The following KLHL29 variants were observed in gnomAD, a reference collection of about 807,000 sequenced individuals.
KLHL29 encodes kelch-like protein 29.
A neutral mutation model predicts 80.4 loss-of-function variants in KLHL29; 21 were observed. That is an observed-to-expected ratio of 0.26 (90% CI 0.19 to 0.38). The LOEUF (loss-of-function observed/expected upper bound fraction) is 0.38. KLHL29 is among the 10% of genes least tolerant of loss of function. KLHL29 has a pLI of 1.00. For synonymous variants in KLHL29, 511 were observed against 526.8 expected, an observed-to-expected ratio of 0.97 and a Z score of 0.41; for missense variants, 867 against 1,223.9, an observed-to-expected ratio of 0.71 and a Z score of 4.35.
rs534136885 is a variant in KLHL29, at chr2:23,403,726, A to AGAGTGT, written c.-154+17947_-154+17948insAGTGTG. The stretch of plus-strand genomic sequence containing the variant: ...ATGAAACCCAAAGAGAGAGAGAGAG[A>AGAGTGT]GTGTGTGTGTGTGTGTGTGTGTGTG... On this transcript the variant is annotated intron_variant, in intron 1 of 13. Coordinates refer to ENST00000486442, the MANE Select transcript of KLHL29 (RefSeq NM_052920.2). Among the ~76,000 whole-genome samples, 506 of 144,102 alleles carry AGAGTGT rather than the reference A, an allele frequency of 3.5e-3. 1 individual carries two copies. The highest frequency in any genetic ancestry group is 9.7e-3 in the South Asian group (42 of 4,350). 94.5% of individuals were successfully genotyped at this position (144,102 alleles called of 152,430 possible). A position where few individuals can be genotyped will look rare whatever the true frequency, so the allele number is the denominator to read the frequency against.
At chr2:23,511,506 T>G (rs1665771085) in intron 2 of KLHL29, among the ~76,000 whole-genome samples, 1 of 152,134 alleles carries the variant, frequency 6.6e-6, no homozygotes, top group South Asian at 2.1e-4. Flanking sequence ...GAAGGTGGTG[T>G]TTCTCACGTC....
At chr2:23,505,415 C>T (rs1665569520) in intron 2 of KLHL29, among the ~76,000 whole-genome samples, 2 of 152,258 alleles carry the variant, frequency 1.3e-5, no homozygotes, top group South Asian at 4.1e-4. Context: ...GCTCTCTGCA[C>T]CGCTCCTTCC....
intron 1 of KLHL29, among the ~76,000 whole-genome samples, chr2:23,426,432 G>A (rs538081737): frequency 2.8e-4 from 43 of 152,330 alleles, no homozygotes; most frequent in African/African-American, 9.6e-4. Context: ...GCCCAACTGA[G>A]GGGAGGCCCC....
At chr2:23,587,935 G>A (rs960254570) in intron 3 of KLHL29, among the ~76,000 whole-genome samples, 7 of 152,186 alleles carry the variant, frequency 4.6e-5, no homozygotes, top group Non-Finnish European at 7.3e-5. Flanking sequence ...TGCTGGCCTC[G>A]TTGTAACAAT....
In KLHL29 at chr2:23,669,855, A is replaced by C. The variant is rs1450075357; in HGVS notation, c.941-14544A>C. 6.6e-6 allele frequency among the ~76,000 whole-genome samples: 1 copy of C among 152,200 alleles called. No individual in the cohort carries two copies. ...CTGTGTCCATTGGATTTGTAAAAAC[A>C]GGGCCGTGGTATTATCACAGAATCT... On this transcript the variant is annotated intron_variant, in intron 5 of 13. Transcript: ENST00000486442. The surrounding 1 kb of genome is among the most constrained non-coding windows in gnomAD (Gnocchi z 4.3).
intron 1 of KLHL29, among the ~76,000 whole-genome samples, chr2:23,472,011 C>T (rs1288234774): frequency 6.6e-6 from 1 of 151,976 alleles, no homozygotes; most frequent in Non-Finnish European, 1.5e-5. Context: ...TTATAGGCCT[C>T]CCAGAAAGGA....
rs761054794 is a variant in KLHL29, at chr2:23,562,253, C to T, written c.57C>T (p.Arg19=). 7.7e-6 allele frequency: 12 copies of T among 1,550,228 alleles called. No homozygotes were observed. The highest frequency in any genetic ancestry group is 2.4e-5 in the East Asian group (1 of 40,920). Residue 19 remains arginine, a synonymous_variant, in exon 3 of 14, where the codon CGC becomes CGT. Coordinates refer to ENST00000486442, the MANE Select transcript of KLHL29 (RefSeq NM_052920.2). The surrounding 1 kb of genome is among the most constrained non-coding windows in gnomAD (Gnocchi z 4.5). ...ERDYRVGWDR[R]EWSVNGTHGT... ...ATTACCGGGTGGGCTGGGACCGCCG[C>T]GAATGGAGCGTCAACGGGACGCATG... is the stretch of plus-strand genomic sequence containing the variant.
At chr2:23,546,615 G>C (rs1482783086) in intron 2 of KLHL29, among the ~76,000 whole-genome samples, 2 of 152,102 alleles carry the variant, frequency 1.3e-5, no homozygotes, top group Non-Finnish European at 2.9e-5. Flanking sequence ...TCCTAGAAGA[G>C]AGCTGGCCTA....
intron 1 of KLHL29, among the ~76,000 whole-genome samples, chr2:23,465,149 C>T (rs987001574): frequency 2.0e-5 from 3 of 152,156 alleles, no homozygotes; most frequent in African/African-American, 4.8e-5. Context: ...CTCGAGGTCT[C>T]GTACTGTGGC....
rs1184567348 is a variant in KLHL29 at position 23,641,048 on chromosome 2, T to C, written c.428-1290T>C. On this transcript the variant is annotated intron_variant, in intron 4 of 13. Transcript: ENST00000486442. ...CCTTCCTCTGTCTCCCCATCCTCAG[T>C]GTACACTGCCACCTCAGAGCAGCTG... 3.3e-5 allele frequency among the ~76,000 whole-genome samples: 5 copies of C among 152,050 alleles called. No individual in the cohort carries two copies. In the East Asian group the frequency reaches 5.9e-4, roughly 18 times the overall value.
rs944916125 is a variant in KLHL29 at position 23,596,729 on chromosome 2, G to C, written c.285+34248G>C. Among the ~76,000 whole-genome samples, 1 of 152,124 alleles carries C rather than the reference G, an allele frequency of 6.6e-6. No homozygotes were observed. Among genetic ancestry groups the C allele is most frequent in the Non-Finnish European group, 1.5e-5 (1 of 68,032 alleles). Reference sequence around the variant, plus strand: ...GGCGATAGGAAGACTCCGATGCTGGGGCAGAGCCATCTCTTACACACAACG... The same window carrying C: ...GGCGATAGGAAGACTCCGATGCTGGCGCAGAGCCATCTCTTACACACAACG... On this transcript the variant is annotated intron_variant, in intron 3 of 13. Coordinates refer to ENST00000486442, the MANE Select transcript of KLHL29 (RefSeq NM_052920.2). This position sits in a 1 kb window ranked among gnomAD's most constrained non-coding sequence, Gnocchi z 4.4.
intron 2 of KLHL29, chr2:23,507,131 C>T (rs751939841): frequency 1.8e-5 from 8 of 443,820 alleles, no homozygotes; most frequent in South Asian, 6.5e-5. Context: ...TGGACCTGCA[C>T]GGGTGTGCCC....
chr2:23,454,080 G>A (rs1030078232), intron 1 of KLHL29, among the ~76,000 whole-genome samples: 12 of 152,218 alleles, frequency 7.9e-5, no homozygotes, highest in East Asian at 1.9e-4. Context: ...TAATTGTGTT[G>A]TATTTGTGTC....
intron 5 of KLHL29, among the ~76,000 whole-genome samples, chr2:23,645,305 G>A (rs1045144764): frequency 6.6e-6 from 1 of 152,028 alleles, no homozygotes; most frequent in Non-Finnish European, 1.5e-5. Context: ...GGACCAGGTG[G>A]GCTTGGATCT....
At chr2:23,655,337 T>C (rs1210643816) in intron 5 of KLHL29, among the ~76,000 whole-genome samples, 1 of 152,182 alleles carries the variant, frequency 6.6e-6, no homozygotes, top group East Asian at 1.9e-4. Flanking sequence ...AGATGATACA[T>C]CTTTGAAGTT....
chr2:23,645,873 TG>T (rs1393069911), intron 5 of KLHL29, among the ~76,000 whole-genome samples: 9 of 152,236 alleles, frequency 5.9e-5, no homozygotes, highest in African/African-American at 2.2e-4. Context: ...CTTTTTGATT[TG>T]CAGTAGGTCA....
At chr2:23,612,507 C>T (rs1029300382) in intron 3 of KLHL29, among the ~76,000 whole-genome samples, 33 of 152,082 alleles carry the variant, frequency 2.2e-4, no homozygotes, top group Non-Finnish European at 2.4e-4. Context: ...AACTTTAGGC[C>T]GTGGCAGGTG....
At chr2:23,660,611 C>T in intron 5 of KLHL29, among the ~76,000 whole-genome samples, 1 of 152,254 alleles carries the variant, frequency 6.6e-6, no homozygotes, top group East Asian at 1.9e-4. Flanking sequence ...ACTGTCCCCA[C>T]AGCCCCCAGC....
At position 23,695,807 on chromosome 2, in the gene KLHL29, C is replaced by T. The variant is rs1269878546; in HGVS notation, c.1727C>T (p.Pro576Leu). 4.5e-6 allele frequency: 7 copies of T among 1,549,404 alleles called. No individual in the cohort carries two copies. Among genetic ancestry groups the T allele is most frequent in the Non-Finnish European group, 6.1e-6 (7 of 1,146,482 alleles). ...GAGATGCAGACGCCCCGAACCCGGCCGCGCCTCTCTGCAGGTATGAAGGGG... is the reference window on the plus strand; with the variant it reads ...GAGATGCAGACGCCCCGAACCCGGCTGCGCCTCTCTGCAGGTATGAAGGGG... ...RQEMQTPRTR[P>L]RLSAGVAEVI... Residue 576 changes from proline (P) to leucine (L), a missense_variant, in exon 9 of 14, where the codon CCG becomes CTG. Physicochemically the swap from Pro to Leu is moderately conservative, Grantham distance 98. Coordinates refer to ENST00000486442, the MANE Select transcript of KLHL29 (RefSeq NM_052920.2). This position sits in a 1 kb window ranked among gnomAD's most constrained non-coding sequence, Gnocchi z 7.6.
Sources: allele counts gnomAD v4.1 joint callset (sites outside exome capture counted in the v4.1 genomes callset), GRCh38; gene constraint gnomAD v4.1.1; non-coding constraint Gnocchi (gnomAD v3.1); transcripts MANE v1.5; gene names NCBI Gene and HGNC (gene_info 2026-07-23, HGNC 2026-07-21).